The following LPCAT1 variants were observed in gnomAD, a reference collection of about 807,000 sequenced individuals.
LPCAT1 encodes 1-acylglycerol-3-phosphate O-acyltransferase.
A neutral mutation model predicts 60.9 loss-of-function variants in LPCAT1; 23 were observed. That is an observed-to-expected ratio of 0.38 (90% CI 0.27 to 0.53). LPCAT1 has a LOEUF of 0.53. Among genes scored for constraint, LPCAT1 ranks in the 20% least tolerant of loss-of-function variants. The pLI is 0.82. For missense variants in LPCAT1, 622 were observed against 723.6 expected (o/e 0.86, Z 1.61); for synonymous variants, 340 against 301.1 (o/e 1.13, Z -1.34).
chr5:1,470,065 T>C (rs1734604309), intron 12 of LPCAT1, among the ~76,000 whole-genome samples: 2 of 152,258 alleles, frequency 1.3e-5, no homozygotes, highest in African/African-American at 4.8e-5. Context: ...AAGGGAGTTC[T>C]TGGAGCGGTG....
At chr5:1,486,387 T>A (rs2126540203) in intron 5 of LPCAT1, among the ~76,000 whole-genome samples, 1 of 152,258 alleles carries the variant, frequency 6.6e-6, no homozygotes, top group East Asian at 1.9e-4. Flanking sequence ...AGGACCCTGC[T>A]GGAGGCTCCA....
In LPCAT1 at chr5:1,476,846, G is replaced by T. The variant is rs1386943829; in HGVS notation, c.899+558C>A. ...CTGACGACACCGAGGGAGGGAGAGG[G>T]GGAGGGCGTGTGAGCCGACAGCACT... On this transcript the variant is annotated intron_variant, in intron 9 of 13. Transcript: ENST00000283415. The surrounding 1 kb of genome is among the most constrained non-coding windows in gnomAD (Gnocchi z 8.6). 6.6e-6 allele frequency among the ~76,000 whole-genome samples: 1 copy of T among 150,446 alleles called. No individual in the cohort carries two copies. Among genetic ancestry groups the T allele is most frequent in the Non-Finnish European group, 1.5e-5 (1 of 67,970 alleles).
Position 1,502,393 on chromosome 5 carries a change from T to G in LPCAT1, c.136-790A>C, listed in dbSNP as rs1302238656. 1.3e-5 allele frequency among the ~76,000 whole-genome samples: 2 copies of G among 152,062 alleles called. No individual in the cohort carries two copies. Among genetic ancestry groups the G allele is most frequent in the African/African-American group, 4.8e-5 (2 of 41,406 alleles). The stretch of plus-strand genomic sequence containing the variant: ...CAGGGGGAGGTAGCTGGCCTGCAGT[T>G]TGCAAGGTTGGACCTCAGACCACAG... On this transcript the variant is annotated intron_variant, in intron 1 of 13. Transcript: ENST00000283415. The surrounding 1 kb of genome is among the most constrained non-coding windows in gnomAD (Gnocchi z 5.5).
chr5:1,492,928 A>C (rs534971787), intron 3 of LPCAT1, among the ~76,000 whole-genome samples: 9 of 152,380 alleles, frequency 5.9e-5, no homozygotes, highest in Admixed American at 2.6e-4. Context: ...CTCCCTGAGC[A>C]GATGACGAAC....
intron 5 of LPCAT1, among the ~76,000 whole-genome samples, chr5:1,484,498 T>C (rs1005246112): frequency 1.1e-4 from 16 of 152,064 alleles, no homozygotes; most frequent in African/African-American, 2.9e-4. Flanking sequence ...GCCAGGCGAG[T>C]GAATCCCCAG....
At chr5:1,519,602 C>G (rs1736609566) in intron 1 of LPCAT1, among the ~76,000 whole-genome samples, 2 of 152,252 alleles carry the variant, frequency 1.3e-5, no homozygotes, top group South Asian at 4.1e-4. Context: ...CCATGCTAAG[C>G]CAGCCCACGC....
intron 12 of LPCAT1, among the ~76,000 whole-genome samples, chr5:1,470,011 CCA>C (rs1420698548): frequency 6.6e-6 from 1 of 152,218 alleles, no homozygotes; most frequent in Non-Finnish European, 1.5e-5. Context: ...GGGACATTCC[CCA>C]GTGTTGCTAT....
At position 1,502,876 on chromosome 5, in the gene LPCAT1, G is replaced by C. The variant is rs1287715369; in HGVS notation, c.136-1273C>G. Among the ~76,000 whole-genome samples, 1 of 152,100 alleles carries C rather than the reference G, an allele frequency of 6.6e-6. No homozygotes were observed. Among genetic ancestry groups the C allele is most frequent in the African/African-American group, 2.4e-5 (1 of 41,382 alleles). On this transcript the variant is annotated intron_variant, in intron 1 of 13. Coordinates refer to ENST00000283415, the MANE Select transcript of LPCAT1 (RefSeq NM_024830.5). This position sits in a 1 kb window ranked among gnomAD's most constrained non-coding sequence, Gnocchi z 5.5. ...CCCAAGAGAAACATGCCTGCCACAT[G>C]TGTCATTTTAAATTTTCGAGTGGCC...
chr5:1,494,801 G>A lies in LPCAT1; in HGVS notation c.392C>T (p.Thr131Met), dbSNP rs764346932. Residue 131 changes from threonine (T) to methionine (M), a missense_variant, in exon 3 of 14, where the codon ACG (threonine) becomes ATG (methionine). Transcript: ENST00000283415. ...GAAGTAGGACGAGTGAGGCGCGAGCGTGAGGATGGCCGCCTCGGTGGGCAG... is the reference window on the plus strand; with the variant it reads ...GAAGTAGGACGAGTGAGGCGCGAGCATGAGGATGGCCGCCTCGGTGGGCAG... ...QALPTEAAILTLAPHSSYFDA... is the reference protein window; with the variant it reads ...QALPTEAAILMLAPHSSYFDA... 1.2e-6 allele frequency: 2 copies of A among 1,614,118 alleles called. No homozygotes were observed. The highest frequency in any genetic ancestry group is 1.1e-5 in the South Asian group (1 of 91,092).
At chr5:1,506,637 G>A (rs1050149099) in intron 1 of LPCAT1, among the ~76,000 whole-genome samples, 1 of 152,250 alleles carries the variant, frequency 6.6e-6, no homozygotes, top group Middle Eastern at 3.2e-3. Context: ...GTGGCCAAGG[G>A]AGGTGCTGGG....
At chr5:1,520,720 G>A (rs1432861241) in intron 1 of LPCAT1, among the ~76,000 whole-genome samples, 1 of 151,608 alleles carries the variant, frequency 6.6e-6, no homozygotes, top group Non-Finnish European at 1.5e-5. Context: ...AAAATTAGCC[G>A]GGCATTGTGG....
rs899229510 is a variant in LPCAT1 at position 1,463,617 on chromosome 5, C to T, written c.*34G>A. 2 of 1,608,664 alleles carry T rather than the reference C, an allele frequency of 1.2e-6. No individual in the cohort carries two copies. The highest frequency in any genetic ancestry group is 8.5e-7 in the Non-Finnish European group (1 of 1,177,452). On this transcript the variant is annotated 3_prime_UTR_variant, in exon 14 of 14. Transcript: ENST00000283415. ...GAGGCTCATGGCGGTGATGTCCACG[C>T]GGGAGGGGCCGCGTCTCTCCGCAAC...
intron 8 of LPCAT1, among the ~76,000 whole-genome samples, chr5:1,478,591 G>C (rs1390936640): frequency 5.9e-5 from 9 of 152,402 alleles, no homozygotes; most frequent in Middle Eastern, 3.4e-3. Context: ...CCTGCTGGGT[G>C]GGGGAACTGC....
chr5:1,482,364 C>T (rs1364008018), intron 6 of LPCAT1, among the ~76,000 whole-genome samples: 1 of 137,038 alleles, frequency 7.3e-6, no homozygotes, highest in African/African-American at 2.8e-5. Context: ...GTGCAGCAGC[C>T]ACCTTACAGG....
Position 1,495,006 on chromosome 5 carries a change from A to AG in LPCAT1, c.279-93dup, listed in dbSNP as rs1735733231. On this transcript the variant is annotated intron_variant, in intron 2 of 13. Transcript: ENST00000283415. This position sits in a 1 kb window ranked among gnomAD's most constrained non-coding sequence, Gnocchi z 4.7. Reference sequence around the variant, plus strand: ...GGGCGGTCCCACGGGAGAGCCCTCCAGGGCGCAGTCCAGGCCACGGGCTTC... The same window carrying AG: ...GGGCGGTCCCACGGGAGAGCCCTCCAGGGGCGCAGTCCAGGCCACGGGCTTC... The AG allele has an allele frequency of 8.0e-7, 1 of 1,243,156 alleles. No individual in the cohort carries two copies. The allele number at this position is 1,243,156 out of a possible 1,614,324, so 77.0% of individuals were successfully genotyped here.
At position 1,497,018 on chromosome 5, in the gene LPCAT1, A is replaced by G. The variant is rs139820477; in HGVS notation, c.279-2104T>C. Among the ~76,000 whole-genome samples, 1,115 of 152,328 alleles carry G rather than the reference A, an allele frequency of 7.3e-3. 10 individuals are homozygous for G. Among genetic ancestry groups the G allele is most frequent in the African/African-American group, 0.025 (1,052 of 41,556 alleles). On this transcript the variant is annotated intron_variant, in intron 2 of 13. Coordinates refer to ENST00000283415, the MANE Select transcript of LPCAT1 (RefSeq NM_024830.5). ...ACCGCCCTCACACGGACGACACCCA[A>G]GAATCCTGAGACGTGTGAGCAGAGC...
rs532620213 is a variant in LPCAT1 at position 1,522,810 on chromosome 5, C to T, written c.135+900G>A. 9.8e-5 allele frequency among the ~76,000 whole-genome samples: 15 copies of T among 152,288 alleles called. No homozygotes were observed. The highest frequency in any genetic ancestry group is 3.9e-4 in the Admixed American group (6 of 15,306). On this transcript the variant is annotated intron_variant, in intron 1 of 13. Transcript: ENST00000283415. This position sits in a 1 kb window ranked among gnomAD's most constrained non-coding sequence, Gnocchi z 6.8. The stretch of plus-strand genomic sequence containing the variant: ...ATTATTCTAGAGTCAAAAGTAAGGT[C>T]CTCTTGAGAGTGGATCTCAGGTAAC...
At chr5:1,500,165 G>A (rs1735952801) in intron 2 of LPCAT1, among the ~76,000 whole-genome samples, 1 of 152,230 alleles carries the variant, frequency 6.6e-6, no homozygotes, top group Non-Finnish European at 1.5e-5. Flanking sequence ...TCCTGTTTCT[G>A]AATAAAAGAT....
In LPCAT1 at chr5:1,502,108, C is replaced by G. The variant is rs1484777949; in HGVS notation, c.136-505G>C. 6.6e-6 allele frequency among the ~76,000 whole-genome samples: 1 copy of G among 152,254 alleles called. No individual in the cohort carries two copies. The highest frequency in any genetic ancestry group is 2.4e-5 in the African/African-American group (1 of 41,472). ...TGCTAACTGACATGCTCCACACCCACTGCCCGCTTCCTGCCTCCTTACTGG... is the reference window on the plus strand; with the variant it reads ...TGCTAACTGACATGCTCCACACCCAGTGCCCGCTTCCTGCCTCCTTACTGG... On this transcript the variant is annotated intron_variant, in intron 1 of 13. Coordinates refer to ENST00000283415, the MANE Select transcript of LPCAT1 (RefSeq NM_024830.5). This position sits in a 1 kb window ranked among gnomAD's most constrained non-coding sequence, Gnocchi z 5.5.
Sources: gnomAD v4.1 joint callset for allele counts (sites outside exome capture counted in the v4.1 genomes callset) on GRCh38, gnomAD v4.1.1 for gene constraint, Gnocchi (gnomAD v3.1) non-coding constraint, MANE v1.5 for transcripts, NCBI Gene and HGNC (gene_info 2026-07-23, HGNC 2026-07-21) for gene names.